The following CTNNA2 variants were observed in gnomAD, a reference collection of about 807,000 sequenced individuals.
CTNNA2 encodes catenin alpha-2.
Under a neutral mutation model 101.0 loss-of-function variants are expected in CTNNA2, and 42 were observed. The ratio of observed to expected loss-of-function variants is 0.42; its 90% CI spans 0.32 to 0.54. The LOEUF (loss-of-function observed/expected upper bound fraction) is 0.54. Among genes scored for constraint, CTNNA2 ranks in the 20% least tolerant of loss-of-function variants. CTNNA2 has a pLI of 0.14. For synonymous variants in CTNNA2, 450 were observed against 456.4 expected, an observed-to-expected ratio of 0.99 and a Z score of 0.18; for missense variants, 871 against 1,223.1, an observed-to-expected ratio of 0.71 and a Z score of 4.29.
intron 9 of CTNNA2, among the ~76,000 whole-genome samples, chr2:80,433,196 T>C (rs923280387): frequency 1.3e-5 from 2 of 152,112 alleles, no homozygotes; most frequent in Admixed American, 6.5e-5. Context: ...TAATTTGCAA[T>C]TTACATCCAA....
intron 7 of CTNNA2, among the ~76,000 whole-genome samples, chr2:80,085,717 G>C (rs1699400673): frequency 1.3e-5 from 2 of 151,830 alleles, no homozygotes; most frequent in African/African-American, 2.4e-5. Flanking sequence ...CCCCTATATT[G>C]ATGAGTTATG....
intron 7 of CTNNA2, among the ~76,000 whole-genome samples, chr2:80,005,723 A>G (rs1243688531): frequency 1.3e-5 from 2 of 151,624 alleles, no homozygotes; most frequent in East Asian, 1.9e-4. Flanking sequence ...TGATCATACT[A>G]TGCATTTAGA....
chr2:79,452,937 C>A (rs569933852), intron 4 of CTNNA2, among the ~76,000 whole-genome samples: 1 of 152,216 alleles, frequency 6.6e-6, no homozygotes, highest in South Asian at 2.1e-4. Context: ...CACCTAAAAT[C>A]ATTAAGGGAG....
intron 7 of CTNNA2, among the ~76,000 whole-genome samples, chr2:80,210,287 A>G (rs529465635): frequency 2.0e-5 from 3 of 152,312 alleles, no homozygotes; most frequent in South Asian, 2.1e-4. Context: ...ATATGTATAC[A>G]TGTGCCATGT....
At chr2:80,144,487 G>T (rs966858397) in intron 7 of CTNNA2, among the ~76,000 whole-genome samples, 1 of 152,304 alleles carries the variant, frequency 6.6e-6, no homozygotes, top group East Asian at 1.9e-4. Flanking sequence ...CAGTTTCACA[G>T]CAGTATATTT....
chr2:79,293,946 A>G (rs547832583), intron 2 of CTNNA2, among the ~76,000 whole-genome samples: 2 of 152,192 alleles, frequency 1.3e-5, no homozygotes, highest in South Asian at 2.1e-4. Context: ...CGAGAATAAT[A>G]ATATATTATT....
chr2:80,627,736 CT>C (rs1211260748), intron 18 of CTNNA2, among the ~76,000 whole-genome samples: 1 of 152,092 alleles, frequency 6.6e-6, no homozygotes, highest in Non-Finnish European at 1.5e-5. Context: ...TCTATTTTGG[CT>C]TTTGTTGCCT....
intron 9 of CTNNA2, among the ~76,000 whole-genome samples, chr2:80,452,847 C>T (rs1294097242): frequency 6.8e-6 from 1 of 146,952 alleles, no homozygotes; most frequent in African/African-American, 2.7e-5. Context: ...TCATTTAGAT[C>T]AAGGAGATTT....
chr2:80,041,396 C>CCG (rs1696043703), intron 7 of CTNNA2, among the ~76,000 whole-genome samples: 1 of 151,878 alleles, frequency 6.6e-6, no homozygotes, highest in Non-Finnish European at 1.5e-5. Context: ...TTAATGGATG[C>CCG]TGTATACACA....
chr2:80,166,480 GT>G (rs1272013107), intron 7 of CTNNA2, among the ~76,000 whole-genome samples: 2 of 152,132 alleles, frequency 1.3e-5, no homozygotes, highest in African/African-American at 2.4e-5. Context: ...AGGATGGTGT[GT>G]TTGGAAAGGG....
At chr2:80,313,911 C>G (rs904516634) in intron 7 of CTNNA2, among the ~76,000 whole-genome samples, 7 of 152,260 alleles carry the variant, frequency 4.6e-5, no homozygotes, top group Middle Eastern at 3.4e-3. Flanking sequence ...AATAGCTCTG[C>G]AGTGGATTGA....
chr2:80,424,921 G>C (rs533165450), intron 9 of CTNNA2, among the ~76,000 whole-genome samples: 1 of 152,264 alleles, frequency 6.6e-6, no homozygotes, highest in South Asian at 2.1e-4. Context: ...GGGATCTTAA[G>C]TCCAAGTTGG....
chr2:79,924,696 A>G (rs568944861), intron 7 of CTNNA2, among the ~76,000 whole-genome samples: 20 of 152,246 alleles, frequency 1.3e-4, no homozygotes, highest in African/African-American at 4.8e-4. Context: ...TGCATTATTC[A>G]AAGTGAGTTG....
At chr2:79,624,031 T>G (rs1260474584) in intron 1 of CTNNA2, among the ~76,000 whole-genome samples, 1 of 151,974 alleles carries the variant, frequency 6.6e-6, no homozygotes, top group Non-Finnish European at 1.5e-5. Context: ...CCCCATGCTC[T>G]CTTTCCCCTT....
At chr2:80,005,227 G>C (rs577137086) in intron 7 of CTNNA2, among the ~76,000 whole-genome samples, 11 of 152,274 alleles carry the variant, frequency 7.2e-5, no homozygotes, top group Non-Finnish European at 1.6e-4. Context: ...ATATAGCTGT[G>C]TACTTTTACA....
intron 3 of CTNNA2, among the ~76,000 whole-genome samples, chr2:79,745,742 T>C (rs1187246809): frequency 1.3e-5 from 2 of 152,218 alleles, no homozygotes; most frequent in African/African-American, 4.8e-5. Flanking sequence ...TTCATACATG[T>C]TGTGGCATGT....
chr2:79,426,768 T>C (rs1451235335), intron 4 of CTNNA2, among the ~76,000 whole-genome samples: 2 of 152,170 alleles, frequency 1.3e-5, no homozygotes, highest in Non-Finnish European at 2.9e-5. Context: ...CTATATCTTC[T>C]GTAATTTTCC....
intron 4 of CTNNA2, among the ~76,000 whole-genome samples, chr2:79,418,378 T>C (rs1678505945): frequency 6.6e-6 from 1 of 152,128 alleles, no homozygotes; most frequent in African/African-American, 2.4e-5. Context: ...AGAGCTATTA[T>C]CACTTAAACT....
At chr2:79,596,941 A>G (rs1677227471) in intron 1 of CTNNA2, among the ~76,000 whole-genome samples, 1 of 152,190 alleles carries the variant, frequency 6.6e-6, no homozygotes. Context: ...ACTGGGGAAG[A>G]TAAGTCCAGG....
Sources: allele counts gnomAD v4.1 joint callset (sites outside exome capture counted in the v4.1 genomes callset), GRCh38; gene constraint gnomAD v4.1.1; transcripts MANE v1.5; gene names NCBI Gene and HGNC (gene_info 2026-07-23, HGNC 2026-07-21).